Variants in CTNNA3 observed in about 807,000 individuals in gnomAD.
CTNNA3 encodes the protein catenin alpha-3.
A neutral mutation model predicts 95.7 loss-of-function variants in CTNNA3; 76 were observed. That is an observed-to-expected ratio of 0.79 (90% CI 0.66 to 0.96). CTNNA3 has a LOEUF of 0.96. Ranked by LOEUF, CTNNA3 falls within the 40% of genes least tolerant of loss-of-function variation. The pLI, the probability that CTNNA3 is intolerant of heterozygous loss-of-function variation, is 0.00. For synonymous variants in CTNNA3, 431 were observed against 374.4 expected (o/e 1.15, Z -1.74); for missense variants, 1,191 against 1,089.8 (o/e 1.09, Z -1.31).
intron 7 of CTNNA3, chr10:67,097,939 T>C: frequency 1.5e-6 from 1 of 687,170 alleles, no homozygotes; most frequent in East Asian, 2.7e-5. Flanking sequence ...CAAGATTGAT[T>C]CATGAAATAA....
chr10:66,819,522 G>A (rs530580773), intron 7 of CTNNA3, among the ~76,000 whole-genome samples: 5 of 152,010 alleles, frequency 3.3e-5, no homozygotes, highest in African/African-American at 9.6e-5. Flanking sequence ...TTTTCAAAAT[G>A]TGCTTCAAAG....
At chr10:67,166,443 T>TGTTTAATTTATATACACTG (rs544030875) in intron 7 of CTNNA3, among the ~76,000 whole-genome samples, 50 of 152,334 alleles carry the variant, frequency 3.3e-4, no homozygotes, top group African/African-American at 1.1e-3. Flanking sequence ...CTGTTATAAG[T>TGTTTAATTTATATACACTG]GTTTAATTTA....
chr10:67,708,281 T>G lies in CTNNA3; in HGVS notation c.-2+55153A>C, dbSNP rs552070502. Among the ~76,000 whole-genome samples, 7 of 152,300 alleles carry G rather than the reference T, an allele frequency of 4.6e-5. No individual in the cohort carries two copies. The South Asian group carries it at 1.4e-3, about 32-fold the overall frequency. ...ATGTCTGCTTTAGTTCATTGATTAC[T>G]TGGTTACTTCTTTCTCAACTCTTTA... On this transcript the variant is annotated intron_variant, in intron 1 of 17. Coordinates refer to the CTNNA3 transcript ENST00000684154.
chr10:65,991,499 A>C (rs971847530), intron 15 of CTNNA3, among the ~76,000 whole-genome samples: 1 of 150,736 alleles, frequency 6.6e-6, no homozygotes, highest in African/African-American at 2.4e-5. Flanking sequence ...AATTATTCCT[A>C]GGCTTTTTTT....
chr10:66,588,290 A>G (rs1186296720), intron 10 of CTNNA3, among the ~76,000 whole-genome samples: 1 of 151,692 alleles, frequency 6.6e-6, no homozygotes, highest in Non-Finnish European at 1.5e-5. Context: ...CATCTGGTTC[A>G]CAGTGTAGGC....
intron 12 of CTNNA3, among the ~76,000 whole-genome samples, chr10:66,328,956 T>C (rs1195331198): frequency 1.4e-5 from 1 of 72,314 alleles, no homozygotes; most frequent in African/African-American, 6.5e-5. Context: ...ATAAATATAA[T>C]TTTTTTTTTT....
intron 7 of CTNNA3, among the ~76,000 whole-genome samples, chr10:66,847,728 G>A (rs535297419): frequency 9.2e-5 from 14 of 152,204 alleles, no homozygotes; most frequent in Middle Eastern, 6.8e-3. Context: ...GATATAAAAA[G>A]TGCTCAGTAC....
At chr10:67,685,039 C>T (rs1405217109) in intron 1 of CTNNA3, among the ~76,000 whole-genome samples, 2 of 152,158 alleles carry the variant, frequency 1.3e-5, no homozygotes, top group African/African-American at 2.4e-5. Flanking sequence ...GTCTAAGCCT[C>T]GGCAGTTTTG....
intron 5 of CTNNA3, among the ~76,000 whole-genome samples, chr10:67,278,189 T>C (rs1839260873): frequency 6.6e-6 from 1 of 152,178 alleles, no homozygotes; most frequent in Admixed American, 6.6e-5. Flanking sequence ...TAATTTGTTA[T>C]GGAATGTGCA....
chr10:67,203,274 T>C (rs1863728216), intron 6 of CTNNA3, among the ~76,000 whole-genome samples: 1 of 152,222 alleles, frequency 6.6e-6, no homozygotes, highest in Non-Finnish European at 1.5e-5. Flanking sequence ...TCACGAGATC[T>C]GATGGTTTTA....
At chr10:67,753,349 A>C (rs932188989) in intron 1 of CTNNA3, among the ~76,000 whole-genome samples, 7 of 152,160 alleles carry the variant, frequency 4.6e-5, no homozygotes, top group Admixed American at 4.6e-4. Context: ...TTAAATGTAA[A>C]ACCAAAAACT....
chr10:67,707,292 T>C (rs1841083899), intron 1 of CTNNA3, among the ~76,000 whole-genome samples: 2 of 152,164 alleles, frequency 1.3e-5, no homozygotes, highest in Admixed American at 1.3e-4. Flanking sequence ...ACCTTGATGA[T>C]CTGGCTGTTG....
chr10:66,380,750 A>C (rs1379168174), intron 11 of CTNNA3, among the ~76,000 whole-genome samples: 1 of 151,816 alleles, frequency 6.6e-6, no homozygotes, highest in African/African-American at 2.4e-5. Flanking sequence ...AATTACTGAG[A>C]TCTTACTGTT....
intron 7 of CTNNA3, among the ~76,000 whole-genome samples, chr10:66,777,974 T>C (rs1386157145): frequency 6.6e-6 from 1 of 152,096 alleles, no homozygotes; most frequent in Non-Finnish European, 1.5e-5. Flanking sequence ...TGACAGGAGG[T>C]GACAGCACAA....
intron 9 of CTNNA3, among the ~76,000 whole-genome samples, chr10:66,625,939 G>A (rs1406184019): frequency 1.3e-5 from 2 of 152,030 alleles, no homozygotes; most frequent in African/African-American, 2.4e-5. Flanking sequence ...GTCACCAGTG[G>A]TAGAGCCAGG....
chr10:67,679,663 C>CT (rs1483577689), intron 1 of CTNNA3, among the ~76,000 whole-genome samples: 1 of 152,028 alleles, frequency 6.6e-6, no homozygotes, highest in Middle Eastern at 3.2e-3. Context: ...TCTTCTCTTC[C>CT]TTTTTTTAAA....
Position 65,915,586 on chromosome 10 carries a change from C to T in CTNNA3, c.*4744G>A, listed in dbSNP as rs1485597017. ...CAAACCAGTGGGGACTGCTAGATGC[C>T]ATAATGCAGCCAGCAGCCATAAAGC... On this transcript the variant is annotated 3_prime_UTR_variant, in exon 18 of 18. Coordinates refer to ENST00000433211, the MANE Select transcript of CTNNA3 (RefSeq NM_013266.4). The T allele has an allele frequency of 6.6e-6, 1 of 152,104 alleles. No homozygotes were observed. Among genetic ancestry groups the T allele is most frequent in the African/African-American group, 2.4e-5 (1 of 41,418 alleles). The allele number at this position is 152,104 out of a possible 1,614,324, so 9.4% of individuals were successfully genotyped here.
chr10:66,191,378 G>A (rs2086659741), intron 13 of CTNNA3, among the ~76,000 whole-genome samples: 1 of 152,148 alleles, frequency 6.6e-6, no homozygotes, highest in African/African-American at 2.4e-5. Context: ...CCTCAGGGAG[G>A]TGAATCTCTC....
intron 7 of CTNNA3, among the ~76,000 whole-genome samples, chr10:66,849,268 C>T (rs1454744165): frequency 6.6e-6 from 1 of 152,116 alleles, no homozygotes; most frequent in Non-Finnish European, 1.5e-5. Flanking sequence ...AATAATCAGG[C>T]TGACAAGCCA....
Sources: allele counts gnomAD v4.1 joint callset (sites outside exome capture counted in the v4.1 genomes callset), GRCh38; gene constraint gnomAD v4.1.1; transcripts MANE v1.5; gene names NCBI Gene and HGNC (gene_info 2026-07-23, HGNC 2026-07-21).